The following ZXDC variants were observed in gnomAD, a reference collection of about 807,000 sequenced individuals.
ZXDC encodes the protein zinc finger protein ZXDC.
ZXDC carries 58 observed loss-of-function variants against 63.6 expected under a neutral mutation model. The observed-to-expected ratio is 0.91, with a 90% CI of 0.74 to 1.13. The LOEUF (loss-of-function observed/expected upper bound fraction) is 1.13, where lower values mean the gene tolerates loss of function less well. ZXDC is among the 50% of genes most tolerant of loss of function. The pLI, the probability that ZXDC is intolerant of heterozygous loss-of-function variation, is 0.00. For synonymous variants in ZXDC, 561 were observed against 496.1 expected, an observed-to-expected ratio of 1.13 and a Z score of -1.74; for missense variants, 1,133 against 1,148.9, an observed-to-expected ratio of 0.99 and a Z score of 0.20.
At chr3:126,440,224 G>A in intron 8 of ZXDC, 1 of 995,566 alleles carries the variant, frequency 1.0e-6, no homozygotes, top group Non-Finnish European at 1.2e-6. Flanking sequence ...CACAGTCCAG[G>A]CTAGAAACTT....
Position 126,461,767 on chromosome 3 carries a change from T to C in ZXDC, c.1895A>G (p.Asn632Ser). 4 of 1,614,030 alleles carry C rather than the reference T, an allele frequency of 2.5e-6. No homozygotes were observed. The South Asian group carries it at 3.3e-5, about 13-fold the overall frequency. Reference sequence around the variant, plus strand: ...CGGTGTGGTGATATGTGCTGCTAAGTTACTATTGGAGGTCAAAGCCAGTGG... The same window carrying C: ...CGGTGTGGTGATATGTGCTGCTAAGCTACTATTGGAGGTCAAAGCCAGTGG... ...DDPLALTSNSNLAAHITTPTS... is the reference protein window; with the variant it reads ...DDPLALTSNSSLAAHITTPTS... Residue 632 changes from asparagine to serine, a missense_variant, in exon 6 of 10, where the codon AAC (asparagine) becomes AGC (serine). Transcript: ENST00000389709.
At chr3:126,450,276 C>G (rs1001034946) in intron 7 of ZXDC, 4 of 451,832 alleles carry the variant, frequency 8.9e-6, no homozygotes, top group African/African-American at 4.0e-5. Context: ...GTGGAGGGAG[C>G]CACGAGGGAC....
chr3:126,451,975 G>A (rs1934121853), intron 7 of ZXDC: 1 of 985,402 alleles, frequency 1.0e-6, no homozygotes, highest in Non-Finnish European at 1.2e-6. Flanking sequence ...AGCTCTTCAT[G>A]CCTTAGAAAA....
intron 5 of ZXDC, among the ~76,000 whole-genome samples, chr3:126,465,456 C>G (rs1041109275): frequency 8.5e-5 from 13 of 152,226 alleles, no homozygotes; most frequent in African/African-American, 3.1e-4. Context: ...CTCTCCAGCC[C>G]TCGTTACTCC....
rs1432534803 is a variant in ZXDC, at chr3:126,466,148, T to G, written c.1441+7A>C. On this transcript the variant is annotated splice_region_variant and intron_variant, in intron 5 of 9. Transcript: ENST00000389709. ...AGCTCCCCATGGGGGCCGTGGAAAG[T>G]GCAGACCTTGGCGCCGGCTGTGCTG... 1.1e-5 allele frequency: 18 copies of G among 1,611,828 alleles called. No individual in the cohort carries two copies. Among genetic ancestry groups the G allele is most frequent in the Admixed American group, 8.4e-5 (5 of 59,646 alleles).
chr3:126,474,062 C>CTT lies in ZXDC; in HGVS notation c.907+895_907+896dup, dbSNP rs796761643. ...CACAGGAGAAAGAACAGGCAGTGGA[C>CTT]TTTTTTTTTTTTTTTTTTTTGAGAC... On this transcript the variant is annotated intron_variant, in intron 1 of 9. Transcript: ENST00000389709. Among the ~76,000 whole-genome samples, 139 of 129,856 alleles carry CTT rather than the reference C, an allele frequency of 1.1e-3. 1 individual carries two copies. Among genetic ancestry groups the CTT allele is most frequent in the African/African-American group, 3.1e-3 (102 of 32,594 alleles). 85.2% of individuals were successfully genotyped at this position (129,856 alleles called of 152,430 possible).
chr3:126,444,677 TAAAC>T (rs1468241632), intron 7 of ZXDC, among the ~76,000 whole-genome samples: 2 of 152,212 alleles, frequency 1.3e-5, no homozygotes, highest in Non-Finnish European at 2.9e-5. Context: ...TTTTATAACA[TAAAC>T]AAGATAAAAC....
At chr3:126,472,390 G>A in intron 1 of ZXDC, 85 bp from the exon 2 acceptor site, 6 of 1,492,918 alleles carry the variant, frequency 4.0e-6, no homozygotes, top group Admixed American at 1.9e-5. Flanking sequence ...ACCAGACCCT[G>A]TTCACACTGA....
Position 126,462,111 on chromosome 3 carries a change from G to A in ZXDC, c.1551C>T (p.Asp517=). The A allele has an allele frequency of 2.5e-6, 4 of 1,614,050 alleles. No homozygotes were observed. The highest frequency in any genetic ancestry group is 3.4e-6 in the Non-Finnish European group (4 of 1,180,032). The change falls in exon 6 of 10, where the codon GAC becomes GAT. Residue 517 remains aspartate (D), a synonymous_variant. Transcript: ENST00000389709. ...TNMDLAALFS[D]TPANASGSAG... ...CAGAACCACTAGCATTGGCAGGTGT[G>A]TCAGAGAAGAGTGCAGCAAGATCCA...
intron 9 of ZXDC, 75 bp from the exon 10 acceptor site, chr3:126,438,536 G>C: frequency 7.2e-7 from 1 of 1,391,274 alleles, no homozygotes; most frequent in Admixed American, 1.9e-5. Context: ...CACACAGCAG[G>C]ACACTGACCA....
rs1933512650 is a variant in ZXDC, at chr3:126,437,776, T to C, written c.*599A>G. 6.5e-6 allele frequency: 1 copy of C among 152,738 alleles called. No individual in the cohort carries two copies. The highest frequency in any genetic ancestry group is 1.5e-5 in the Non-Finnish European group (1 of 68,436). The allele number at this position is 152,738 out of a possible 1,614,324, so 9.5% of individuals were successfully genotyped here. On this transcript the variant is annotated 3_prime_UTR_variant, in exon 10 of 10. Transcript: ENST00000389709. ...TTAGTCTGGGAAGAGGGCTCCGTAA[T>C]AGGCCACTGAGGTCCTCTGTCCCAC...
chr3:126,471,036 G>C lies in ZXDC; in HGVS notation c.1140-11C>G, dbSNP rs779893043. ...TCATCGTCATGTTTCCTGCCAGACA[G>C]AAAAATAAAGGAGCTGTGATTCCTC... On this transcript the variant is annotated splice_polypyrimidine_tract_variant and intron_variant, in intron 3 of 9. Coordinates refer to ENST00000389709, the MANE Select transcript of ZXDC (RefSeq NM_025112.5). 13 of 1,611,712 alleles carry C rather than the reference G, an allele frequency of 8.1e-6. No homozygotes were observed. The highest frequency in any genetic ancestry group is 1.7e-5 in the Admixed American group (1 of 59,734).
At chr3:126,454,286 T>G (rs1934227379) in intron 7 of ZXDC, 1 of 984,490 alleles carries the variant, frequency 1.0e-6, no homozygotes. Flanking sequence ...TATCTGAGAT[T>G]TCTATTGGCT....
At chr3:126,442,512 C>T (rs1933721578) in intron 7 of ZXDC, 1 of 152,214 alleles carries the variant, frequency 6.6e-6, no homozygotes, top group Non-Finnish European at 1.5e-5. Flanking sequence ...TCAAAAGGGC[C>T]CAAAGGTAGC....
At chr3:126,457,526 C>T (rs553316886) in intron 7 of ZXDC, 1 of 985,406 alleles carries the variant, frequency 1.0e-6, no homozygotes, top group South Asian at 4.7e-5. Context: ...ACACGGAGAC[C>T]TAGCAGGTAC....
chr3:126,464,132 C>A lies in ZXDC; in HGVS notation c.1442-1912G>T, dbSNP rs145089977. ...ATGAATAATCTCAGTGCAAATGATA[C>A]CCACTTATTAATAAATTTCTTACTT... On this transcript the variant is annotated intron_variant, in intron 5 of 9. Transcript: ENST00000389709. 6.0e-3 allele frequency among the ~76,000 whole-genome samples: 921 copies of A among 152,292 alleles called. 9 individuals carry two copies. The highest frequency in any genetic ancestry group is 0.021 in the African/African-American group (857 of 41,558).
intron 3 of ZXDC, 74 bp from the exon 4 acceptor site, chr3:126,471,099 A>T: frequency 2.0e-6 from 3 of 1,537,536 alleles, no homozygotes; most frequent in South Asian, 2.4e-5. Flanking sequence ...TCTACAAAAC[A>T]TACCAAAACA....
intron 9 of ZXDC, 136 bp from the exon 10 acceptor site, chr3:126,438,597 T>C: frequency 1.4e-6 from 1 of 696,228 alleles, no homozygotes; most frequent in South Asian, 1.9e-5. Context: ...CAGGCTCCCC[T>C]TATTCTAAAC....
chr3:126,472,661 G>A (rs1560106623), intron 1 of ZXDC, among the ~76,000 whole-genome samples: 1 of 152,136 alleles, frequency 6.6e-6, no homozygotes, highest in Non-Finnish European at 1.5e-5. Context: ...CAAATACTAA[G>A]GAACAAGATT....
Sources: gnomAD v4.1 joint callset for allele counts (sites outside exome capture counted in the v4.1 genomes callset) on GRCh38, gnomAD v4.1.1 for gene constraint, MANE v1.5 for transcripts, NCBI Gene and HGNC (gene_info 2026-07-23, HGNC 2026-07-21) for gene names.